TTC21B: variants seen among roughly 807,000 people sequenced by gnomAD.
TTC21B encodes the protein tetratricopeptide repeat domain 21B, also known as tetratricopeptide repeat protein 21B.
TTC21B carries 127 observed loss-of-function variants against 175.1 expected under a neutral mutation model. The observed-to-expected ratio is 0.73, with a 90% CI of 0.63 to 0.84. TTC21B has a LOEUF of 0.84. Ranked by LOEUF, TTC21B falls within the 40% of genes least tolerant of loss-of-function variation. The probability of loss-of-function intolerance (pLI) is 0.00; values close to 1 mark genes in which losing one functional copy is unlikely to be tolerated. For synonymous variants in TTC21B, 524 were observed against 524.5 expected (o/e 1.00, Z 0.01); for missense variants, 1,561 against 1,558.3 (o/e 1.00, Z -0.03).
chr2:165,926,799 T>C (rs1686645640), intron 11 of TTC21B, among the ~76,000 whole-genome samples: 1 of 151,576 alleles, frequency 6.6e-6, no homozygotes, highest in Admixed American at 6.6e-5. Flanking sequence ...AGCCTCCCAG[T>C]CTACATCTTT....
chr2:165,875,169 TAG>T (rs1159375513), intron 28 of TTC21B, among the ~76,000 whole-genome samples: 1 of 152,282 alleles, frequency 6.6e-6, no homozygotes, highest in Non-Finnish European at 1.5e-5. Flanking sequence ...GATAAACCCT[TAG>T]AGAGTGACTT....
chr2:165,905,424 G>T (rs1685693836), intron 19 of TTC21B, among the ~76,000 whole-genome samples: 1 of 151,890 alleles, frequency 6.6e-6, no homozygotes, highest in South Asian at 2.1e-4. Context: ...TTAAACATAA[G>T]GACACGTAAA....
At chr2:165,938,911 T>C (rs532679433) in intron 6 of TTC21B, among the ~76,000 whole-genome samples, 179 of 152,298 alleles carry the variant, frequency 1.2e-3, no homozygotes, top group African/African-American at 4.0e-3. Flanking sequence ...TTGAGACTAT[T>C]GGTAATTTGA....
intron 5 of TTC21B, among the ~76,000 whole-genome samples, chr2:165,942,545 C>G (rs1687407640): frequency 1.3e-5 from 2 of 152,182 alleles, no homozygotes; most frequent in African/African-American, 4.8e-5. Flanking sequence ...TCCTCACCCC[C>G]ATCCCACCTT....
intron 19 of TTC21B, among the ~76,000 whole-genome samples, chr2:165,905,467 T>C (rs1685695328): frequency 1.3e-5 from 2 of 152,184 alleles, no homozygotes; most frequent in South Asian, 2.1e-4. Context: ...AGATATACCA[T>C]GCAAGTACTA....
At chr2:165,947,826 G>A (rs1687636505) in intron 3 of TTC21B, 1 of 152,070 alleles carries the variant, frequency 6.6e-6, no homozygotes, top group Admixed American at 6.5e-5. Context: ...CATCATCCTT[G>A]GTGCAAAGCA....
intron 25 of TTC21B, among the ~76,000 whole-genome samples, chr2:165,885,828 A>G (rs1684982309): frequency 6.6e-6 from 1 of 152,234 alleles, no homozygotes; most frequent in Admixed American, 6.5e-5. Flanking sequence ...TCTGGTGCAG[A>G]CATCCTAAGA....
chr2:165,901,759 T>C lies in TTC21B; in HGVS notation c.2720A>G (p.Tyr907Cys), dbSNP rs771639663. 8.1e-6 allele frequency: 13 copies of C among 1,614,032 alleles called. No homozygotes were observed. In the South Asian group the frequency reaches 1.3e-4, roughly 16 times the overall value. The part of the protein sequence containing the change: ...QRDYEKAIKF[Y>C]REALVHCETD... ...TTCGCAGTGAACCAGAGCCTCTCTA[T>C]AAAACTTAATTGCTTTTTCATAGTC... Residue 907 changes from tyrosine (Y) to cysteine (C), a missense_variant, in exon 20 of 29, where the codon TAT becomes TGT. By Grantham distance (194) the Tyr-to-Cys change is radical. Transcript: ENST00000243344.
chr2:165,929,012 A>T, intron 11 of TTC21B, 123 bp downstream of exon 11: 1 of 865,476 alleles, frequency 1.2e-6, no homozygotes, highest in Non-Finnish European at 1.9e-6. Flanking sequence ...TTCAACTAAC[A>T]TAGGTACAAA....
chr2:165,887,594 G>A (rs1388904829), intron 25 of TTC21B, among the ~76,000 whole-genome samples: 1 of 152,008 alleles, frequency 6.6e-6, no homozygotes. Flanking sequence ...GGCTGAGGCA[G>A]GAGAATTGCC....
At chr2:165,930,586 C>T (rs930272654) in intron 8 of TTC21B, among the ~76,000 whole-genome samples, 21 of 151,814 alleles carry the variant, frequency 1.4e-4, no homozygotes, top group African/African-American at 5.1e-4. Flanking sequence ...GAATATAATG[C>T]TTTTACAAAA....
At chr2:165,925,801 TTA>T (rs1686604524) in intron 11 of TTC21B, among the ~76,000 whole-genome samples, 1 of 152,168 alleles carries the variant, frequency 6.6e-6, no homozygotes, top group African/African-American at 2.4e-5. Flanking sequence ...GATAAGATTT[TTA>T]TGCTTCTTTG....
intron 24 of TTC21B, among the ~76,000 whole-genome samples, chr2:165,889,077 C>G (rs1273489967): frequency 6.6e-6 from 1 of 152,138 alleles, no homozygotes; most frequent in Non-Finnish European, 1.5e-5. Context: ...ATTTCAAGTG[C>G]AATTTGAATA....
intron 15 of TTC21B, 28 bp downstream of exon 15, chr2:165,915,173 A>C: frequency 6.3e-7 from 1 of 1,581,090 alleles, no homozygotes; most frequent in South Asian, 1.1e-5. Context: ...AATGTATCAA[A>C]ATATAATGGG....
At chr2:165,915,653 G>T (rs1462883840) in intron 14 of TTC21B, among the ~76,000 whole-genome samples, 25 of 152,128 alleles carry the variant, frequency 1.6e-4, no homozygotes, top group Non-Finnish European at 1.5e-5. Flanking sequence ...CTAGATAAAT[G>T]TTTTCACAAC....
intron 12 of TTC21B, among the ~76,000 whole-genome samples, chr2:165,921,104 T>G (rs181537099): frequency 5.5e-4 from 84 of 152,282 alleles, no homozygotes; most frequent in African/African-American, 1.8e-3. Context: ...AATCATGGTG[T>G]GCCCCTGGAT....
intron 3 of TTC21B, chr2:165,947,912 C>T (rs2105368777): frequency 6.6e-6 from 1 of 152,302 alleles, no homozygotes; most frequent in African/African-American, 2.4e-5. Flanking sequence ...CAGTGTCCAA[C>T]AGAATCAACA....
At chr2:165,895,307 T>G (rs1685326252) in intron 22 of TTC21B, among the ~76,000 whole-genome samples, 1 of 152,110 alleles carries the variant, frequency 6.6e-6, no homozygotes, top group African/African-American at 2.4e-5. Flanking sequence ...AAGCAGCCAG[T>G]CTACTAAGCC....
In TTC21B at chr2:165,930,345, A is replaced by G. The variant is rs1217195888; in HGVS notation, c.914T>C (p.Ile305Thr). The change falls in exon 9 of 29, where the codon ATT becomes ACT. Residue 305 changes from isoleucine to threonine, a missense_variant. Physicochemically the swap from Ile to Thr is moderately conservative, Grantham distance 89. Transcript: ENST00000243344. Reference sequence around the variant, plus strand: ...AAGTAACGTTTGAATTTTTTGAAGAATAAGTTGACTACGTCCACACTAAAA... The same window carrying G: ...AAGTAACGTTTGAATTTTTTGAAGAGTAAGTTGACTACGTCCACACTAAAA... ...FSRTCGRSQLILQKIQTLLER... is the reference protein window; with the variant it reads ...FSRTCGRSQLTLQKIQTLLER... 3 of 1,612,112 alleles carry G rather than the reference A, an allele frequency of 1.9e-6. No individual in the cohort carries two copies. In the Admixed American group the frequency reaches 5.0e-5, roughly 27 times the overall value.
Sources: gnomAD v4.1 joint callset for allele counts (sites outside exome capture counted in the v4.1 genomes callset) on GRCh38, gnomAD v4.1.1 for gene constraint, MANE v1.5 for transcripts, NCBI Gene and HGNC (gene_info 2026-07-23, HGNC 2026-07-21) for gene names.